The following EPB41 variants were observed in gnomAD, a reference collection of about 807,000 sequenced individuals.
EPB41 encodes the protein erythrocyte membrane protein band 4.1.
EPB41 carries 65 observed loss-of-function variants against 108.0 expected under a neutral mutation model. The observed-to-expected ratio is 0.60, with a 90% CI of 0.49 to 0.74. The LOEUF (loss-of-function observed/expected upper bound fraction) is 0.74, where lower values mean the gene tolerates loss of function less well. EPB41 is among the 30% of genes least tolerant of loss of function. EPB41 has a pLI of 0.00. For missense variants in EPB41, 875 were observed against 1,037.0 expected (o/e 0.84, Z 2.15); for synonymous variants, 336 against 358.9 (o/e 0.94, Z 0.72).
rs192190554 is a variant in EPB41 at position 28,902,017 on chromosome 1, G to A, written c.-8+14807G>A. 2.2e-3 allele frequency among the ~76,000 whole-genome samples: 339 copies of A among 152,292 alleles called. 10 individuals are homozygous for A. Among genetic ancestry groups the A allele is most frequent in the Admixed American group, 0.019 (291 of 15,288 alleles). On this transcript the variant is annotated intron_variant, in intron 1 of 16. Transcript: ENST00000347529. ...GTGATTTTTGTCTATATTATTCAGC[G>A]TTATATCCCTTGTACCTAGAACAGT... is the stretch of plus-strand genomic sequence containing the variant.
intron 5 of EPB41, among the ~76,000 whole-genome samples, chr1:29,014,082 C>T (rs969141758): frequency 1.6e-4 from 24 of 151,514 alleles, no homozygotes; most frequent in Middle Eastern, 3.4e-3. Flanking sequence ...TTTGGGAGGC[C>T]GAGGCAGGTG....
At chr1:29,079,400 T>G (rs982958758) in intron 16 of EPB41, among the ~76,000 whole-genome samples, 6 of 151,876 alleles carry the variant, frequency 4.0e-5, no homozygotes, top group Admixed American at 1.3e-4. Flanking sequence ...GAAGTGTCCC[T>G]CTTTCTAATT....
intron 1 of EPB41, among the ~76,000 whole-genome samples, chr1:28,892,575 C>A (rs1212320908): frequency 6.6e-6 from 1 of 151,792 alleles, no homozygotes; most frequent in African/African-American, 2.4e-5. Flanking sequence ...TACAAAAATA[C>A]ACGGTGGCAT....
At chr1:28,962,921 GTAA>G (rs1228684984) in intron 1 of EPB41, among the ~76,000 whole-genome samples, 4 of 152,018 alleles carry the variant, frequency 2.6e-5, no homozygotes, top group African/African-American at 9.7e-5. Context: ...ATGAGTGTTT[GTAA>G]TAATAATAAA....
At chr1:29,023,672 AG>A (rs1392676393) in intron 7 of EPB41, among the ~76,000 whole-genome samples, 2 of 151,814 alleles carry the variant, frequency 1.3e-5, no homozygotes, top group Non-Finnish European at 2.9e-5. Context: ...GGGCAACAAA[AG>A]CAAAACTCCG....
chr1:29,049,111 T>TA (rs1644045021), intron 11 of EPB41, among the ~76,000 whole-genome samples: 1 of 152,154 alleles, frequency 6.6e-6, no homozygotes, highest in Non-Finnish European at 1.5e-5. Flanking sequence ...CCTCTTCTGT[T>TA]ATGTGTGGTG....
intron 1 of EPB41, among the ~76,000 whole-genome samples, chr1:28,922,557 T>A (rs1290691370): frequency 6.6e-6 from 1 of 151,432 alleles, no homozygotes; most frequent in Non-Finnish European, 1.5e-5. Flanking sequence ...CTGAGCCTCC[T>A]GAGTAGCTGG....
chr1:29,064,773 C>T (rs562494591), intron 15 of EPB41, among the ~76,000 whole-genome samples: 3 of 152,090 alleles, frequency 2.0e-5, no homozygotes, highest in Middle Eastern at 3.4e-3. Context: ...TGTGATACTT[C>T]ACAGCTTCTA....
At chr1:28,914,041 G>C (rs905015703), upstream of EPB41, among the ~76,000 whole-genome samples, 1 of 152,218 alleles carries the variant, frequency 6.6e-6, no homozygotes, top group Non-Finnish European at 1.5e-5. Flanking sequence ...GGTTGGAAGG[G>C]CGCCTAGAGA....
At chr1:28,962,303 C>G (rs1017082560) in intron 1 of EPB41, among the ~76,000 whole-genome samples, 1 of 152,072 alleles carries the variant, frequency 6.6e-6, no homozygotes, top group Non-Finnish European at 1.5e-5. Flanking sequence ...TCAGGTGATC[C>G]GCCTGCCTCA....
At chr1:28,908,802 T>C (rs971229179) in intron 1 of EPB41, among the ~76,000 whole-genome samples, 1 of 151,990 alleles carries the variant, frequency 6.6e-6, no homozygotes, top group Non-Finnish European at 1.5e-5. Flanking sequence ...TAAATTATGA[T>C]ATATCCGCTT....
At chr1:28,916,161 C>T (rs1359956114) in intron 1 of EPB41, among the ~76,000 whole-genome samples, 2 of 152,070 alleles carry the variant, frequency 1.3e-5, no homozygotes, top group Admixed American at 6.6e-5. Flanking sequence ...TGCTATCTGG[C>T]GTACAGTAAG....
chr1:28,942,122 C>A (rs1165271404), intron 1 of EPB41, among the ~76,000 whole-genome samples: 3 of 151,956 alleles, frequency 2.0e-5, no homozygotes, highest in African/African-American at 7.3e-5. Context: ...AATGTTTTTC[C>A]TATTTTCACA....
upstream of EPB41, among the ~76,000 whole-genome samples, chr1:28,912,179 G>A (rs775664304): frequency 5.3e-5 from 8 of 152,148 alleles, no homozygotes; most frequent in South Asian, 6.2e-4. Flanking sequence ...TTTATTGAGC[G>A]TATACTGTTC....
At chr1:29,116,015 G>A (rs1670818660) in intron 20 of EPB41, among the ~76,000 whole-genome samples, 2 of 152,122 alleles carry the variant, frequency 1.3e-5, no homozygotes, top group Admixed American at 6.6e-5. Context: ...CAGCATTATT[G>A]GGTAAGAGGA....
intron 12 of EPB41, among the ~76,000 whole-genome samples, chr1:29,056,628 C>G (rs962365172): frequency 5.3e-5 from 8 of 152,040 alleles, no homozygotes; most frequent in African/African-American, 1.7e-4. Flanking sequence ...CAGGTTCAAG[C>G]GATTCTCCTT....
chr1:29,113,551 T>C (rs1669906213), intron 19 of EPB41, among the ~76,000 whole-genome samples: 1 of 152,242 alleles, frequency 6.6e-6, no homozygotes, highest in African/African-American at 2.4e-5. Flanking sequence ...TCTGAGCCCC[T>C]GCTACGTGCT....
At chr1:28,973,313 G>A (rs2095533449) in intron 1 of EPB41, among the ~76,000 whole-genome samples, 1 of 152,044 alleles carries the variant, frequency 6.6e-6, no homozygotes, top group African/African-American at 2.4e-5. Flanking sequence ...GGTGTCCTTG[G>A]GGATATTGGG....
intron 4 of EPB41, among the ~76,000 whole-genome samples, chr1:29,009,697 A>G (rs2096466840): frequency 2.0e-5 from 3 of 152,142 alleles, no homozygotes; most frequent in Admixed American, 2.0e-4. Flanking sequence ...AATTTTCTTT[A>G]GTCTAAATGA....
Sources: gnomAD v4.1 joint callset for allele counts (sites outside exome capture counted in the v4.1 genomes callset) on GRCh38, gnomAD v4.1.1 for gene constraint, MANE v1.5 for transcripts, NCBI Gene and HGNC (gene_info 2026-07-23, HGNC 2026-07-21) for gene names.